Variants in SGK3 observed in about 807,000 individuals in gnomAD.
SGK3 encodes the protein serum/glucocorticoid regulated kinase family member 3.
In SGK3, 47 loss-of-function variants were observed where a neutral mutation model predicts 68.5. That is an observed-to-expected ratio of 0.69 (90% CI 0.54 to 0.87). SGK3 has a LOEUF of 0.87. Ranked by LOEUF, SGK3 falls within the 40% of genes least tolerant of loss-of-function variation. The pLI is 0.00. For synonymous variants in SGK3, 181 were observed against 189.1 expected (o/e 0.96, Z 0.35); for missense variants, 479 against 575.5 (o/e 0.83, Z 1.72).
At chr8:66,770,377 T>C (rs1235654288) in intron 1 of SGK3, among the ~76,000 whole-genome samples, 1 of 152,224 alleles carries the variant, frequency 6.6e-6, no homozygotes. Context: ...CCTTGCTGAA[T>C]GCTGGATATT....
At chr8:66,787,678 G>A (rs1396489448) in intron 1 of SGK3, among the ~76,000 whole-genome samples, 1 of 152,172 alleles carries the variant, frequency 6.6e-6, no homozygotes, top group Non-Finnish European at 1.5e-5. Flanking sequence ...ACTGACATCC[G>A]TAAGACAAGT....
chr8:66,721,081 C>G (rs2130333259), intron 1 of SGK3, among the ~76,000 whole-genome samples: 1 of 152,304 alleles, frequency 6.6e-6, no homozygotes, highest in African/African-American at 2.4e-5. Context: ...AATAGGTGAC[C>G]TTGAAGTTTC....
chr8:66,716,651 G>A (rs1266817552), intron 1 of SGK3, among the ~76,000 whole-genome samples: 1 of 152,134 alleles, frequency 6.6e-6, no homozygotes, highest in Non-Finnish European at 1.5e-5. Context: ...ACGGAAAATG[G>A]AGATGTGTGT....
chr8:66,722,777 G>A (rs1804831999), intron 1 of SGK3, among the ~76,000 whole-genome samples: 1 of 152,132 alleles, frequency 6.6e-6, no homozygotes, highest in South Asian at 2.1e-4. Flanking sequence ...TGTACAGGAA[G>A]CATCTGCTTC....
intron 5 of SGK3, among the ~76,000 whole-genome samples, chr8:66,818,701 C>G (rs1225477511): frequency 1.3e-5 from 2 of 152,058 alleles, no homozygotes; most frequent in African/African-American, 4.8e-5. Flanking sequence ...GGCTTATTTC[C>G]CAGCAATGTG....
At chr8:66,846,293 A>G (rs1195604935) in intron 14 of SGK3, among the ~76,000 whole-genome samples, 4 of 152,118 alleles carry the variant, frequency 2.6e-5, no homozygotes, top group Admixed American at 6.6e-5. Context: ...AAACCTGTAC[A>G]GCTCATTTTT....
chr8:66,767,801 T>C, intron 1 of SGK3: 2 of 1,568,912 alleles, frequency 1.3e-6, no homozygotes, highest in Non-Finnish European at 1.8e-6. Flanking sequence ...TCTGTAGCTC[T>C]GTTGACAGTT....
At chr8:66,713,275 C>G (rs1804543902) in intron 1 of SGK3, among the ~76,000 whole-genome samples, 1 of 152,222 alleles carries the variant, frequency 6.6e-6, no homozygotes, top group Admixed American at 6.5e-5. Context: ...TTTAAGTTCT[C>G]TGTAATTTGA....
At position 66,859,672 on chromosome 8, in the gene SGK3, C is replaced by G; in HGVS notation, c.*91C>G. On this transcript the variant is annotated 3_prime_UTR_variant, in exon 17 of 17. Transcript: ENST00000521198. ...TGTGAATATATTCAAATATGTATAA[C>G]TAGTGCCTCATTTTTATATGTAATG... The G allele has an allele frequency of 1.5e-6, 2 of 1,322,392 alleles. No individual in the cohort carries two copies. The highest frequency in any genetic ancestry group is 2.0e-6 in the Non-Finnish European group (2 of 1,008,944). The allele number at this position is 1,322,392 out of a possible 1,614,324, so 81.9% of individuals were successfully genotyped here. A position where few individuals can be genotyped will look rare whatever the true frequency, so the allele number is the denominator to read the frequency against.
chr8:66,852,633 T>A (rs1484491231), intron 16 of SGK3, among the ~76,000 whole-genome samples: 1 of 152,176 alleles, frequency 6.6e-6, no homozygotes, highest in Admixed American at 6.5e-5. Context: ...AAGTATTATT[T>A]AATAGTCTAT....
chr8:66,777,954 C>G (rs1409515745), intron 1 of SGK3: 1 of 152,178 alleles, frequency 6.6e-6, no homozygotes, highest in African/African-American at 2.4e-5. Flanking sequence ...CCGATGTGGG[C>G]AGGGATTTAG....
chr8:66,805,980 C>A (rs891703084), intron 4 of SGK3, among the ~76,000 whole-genome samples: 2 of 152,206 alleles, frequency 1.3e-5, no homozygotes, highest in African/African-American at 4.8e-5. Context: ...CTATATAATT[C>A]TGCCCACCAT....
chr8:66,734,829 C>A (rs779877460), intron 1 of SGK3, among the ~76,000 whole-genome samples: 19 of 151,938 alleles, frequency 1.3e-4, no homozygotes, highest in Non-Finnish European at 8.8e-5. Flanking sequence ...CACCTGTAAT[C>A]CCAGCTACTC....
At chr8:66,795,074 G>C (rs1180336884) in intron 2 of SGK3, among the ~76,000 whole-genome samples, 2 of 152,150 alleles carry the variant, frequency 1.3e-5, no homozygotes, top group Non-Finnish European at 2.9e-5. Flanking sequence ...TCTAAAAAGG[G>C]GGTTACCTGG....
chr8:66,797,243 T>C (rs1807735201), intron 2 of SGK3, among the ~76,000 whole-genome samples: 1 of 152,216 alleles, frequency 6.6e-6, no homozygotes, highest in African/African-American at 2.4e-5. Context: ...CTCACAATCA[T>C]ATAAACCTAA....
chr8:66,768,527 C>G (rs1806399735), intron 1 of SGK3, among the ~76,000 whole-genome samples: 1 of 150,850 alleles, frequency 6.6e-6, no homozygotes, highest in African/African-American at 2.4e-5. Context: ...TTTTTTTATT[C>G]AGTACATTAT....
At chr8:66,837,780 T>C (rs1809599309) in intron 10 of SGK3, among the ~76,000 whole-genome samples, 1 of 151,868 alleles carries the variant, frequency 6.6e-6, no homozygotes. Flanking sequence ...CAAGACCCTG[T>C]GTCAAAAAAA....
intron 1 of SGK3, among the ~76,000 whole-genome samples, chr8:66,739,664 G>T (rs1805424438): frequency 6.6e-6 from 1 of 152,156 alleles, no homozygotes; most frequent in Admixed American, 6.6e-5. Context: ...CCAAAGTGCT[G>T]GGATTACAGG....
chr8:66,722,165 G>A (rs563560709), intron 1 of SGK3, among the ~76,000 whole-genome samples: 48 of 152,300 alleles, frequency 3.2e-4, no homozygotes, highest in African/African-American at 1.1e-3. Context: ...TGGGCCAGAT[G>A]GTATAGGAAG....
Sources: allele counts gnomAD v4.1 joint callset (sites outside exome capture counted in the v4.1 genomes callset), GRCh38; gene constraint gnomAD v4.1.1; transcripts MANE v1.5; gene names NCBI Gene and HGNC (gene_info 2026-07-23, HGNC 2026-07-21).